TMEM132D: variants seen among roughly 807,000 people sequenced by gnomAD.
TMEM132D encodes transmembrane protein 132D, also known as mature OL transmembrane protein.
In TMEM132D, 21 loss-of-function variants were observed where a neutral mutation model predicts 62.3. That is an observed-to-expected ratio of 0.34 (90% confidence interval 0.24 to 0.49). TMEM132D has a LOEUF of 0.49. Ranked by LOEUF, TMEM132D falls within the 20% of genes least tolerant of loss-of-function variation. The pLI is 0.99. For synonymous variants in TMEM132D, 621 were observed against 575.6 expected, an observed-to-expected ratio of 1.08 and a Z score of -1.13; for missense variants, 1,346 against 1,402.8, an observed-to-expected ratio of 0.96 and a Z score of 0.65.
chr12:129,124,772 C>T lies in TMEM132D; in HGVS notation c.1444-40070G>A, dbSNP rs922589400. On this transcript the variant is annotated intron_variant, in intron 5 of 8. Transcript: ENST00000422113. The stretch of plus-strand genomic sequence containing the variant: ...CTATTATGAATGAATTTGCGGTGAA[C>T]ATCCTTGTACATAACTTTTGGTGAG... 1.8e-4 allele frequency among the ~76,000 whole-genome samples: 27 copies of T among 152,150 alleles called. 1 individual carries two copies. Among genetic ancestry groups the T allele is most frequent in the African/African-American group, 1.2e-4 (5 of 41,438 alleles).
At chr12:129,631,003 C>T (rs1255613142) in intron 2 of TMEM132D, among the ~76,000 whole-genome samples, 1 of 152,044 alleles carries the variant, frequency 6.6e-6, no homozygotes. Flanking sequence ...ATCGGAATGC[C>T]CATCCATGAC....
intron 2 of TMEM132D, among the ~76,000 whole-genome samples, chr12:129,674,803 G>A (rs888244897): frequency 6.6e-6 from 1 of 151,976 alleles, no homozygotes; most frequent in African/African-American, 2.4e-5. Flanking sequence ...CCTCCCAAAG[G>A]GCTGGGATTA....
At position 129,209,650 on chromosome 12, in the gene TMEM132D, A is replaced by G; in HGVS notation, c.1313T>C (p.Leu438Pro). 6.2e-7 allele frequency: 1 copy of G among 1,614,156 alleles called. No homozygotes were observed. Among genetic ancestry groups the G allele is most frequent in the South Asian group, 1.1e-5 (1 of 91,080 alleles). Residue 438 changes from leucine (L) to proline (P), a missense_variant, in exon 5 of 9, where the codon CTG (leucine) becomes CCG (proline). Transcript: ENST00000422113. ...CTTCCCCGTGAGGATGGCTGTGTTC[A>G]GGATTTCTGCCTCCTGGAAGACCAA... ...VVPLAMEAEI[L>P]NTAILTGKTV...
In TMEM132D at chr12:129,678,038, T is replaced by C. The variant is rs116806266; in HGVS notation, c.968+21772A>G. On this transcript the variant is annotated intron_variant, in intron 2 of 8. Transcript: ENST00000422113. ...TCACAAACATGTAAGAATTCTATTG[T>C]AGGAATATGTCAAAATTTATTTATC... Among the ~76,000 whole-genome samples the C allele has an allele frequency of 4.1e-3, 617 of 152,300 alleles. 7 individuals carry two copies. The highest frequency in any genetic ancestry group is 0.014 in the African/African-American group (588 of 41,566).
At chr12:129,537,108 C>T (rs112203289) in intron 2 of TMEM132D, among the ~76,000 whole-genome samples, 35,091 of 143,526 alleles carry the variant, frequency 0.24, 4,361 homozygotes, top group East Asian at 0.41. Flanking sequence ...TGCGGTGAGC[C>T]GAGATTGTGC....
chr12:129,266,913 T>C (rs1566016724), intron 4 of TMEM132D, among the ~76,000 whole-genome samples: 1 of 152,186 alleles, frequency 6.6e-6, no homozygotes, highest in East Asian at 1.9e-4. Flanking sequence ...CTCTCACTCT[T>C]GGACATCCCA....
In TMEM132D at chr12:129,310,060, GAGGAAAATCTAGATGAGGGCTGGCCGAGA is replaced by G. The variant is rs1462558845; in HGVS notation, c.1299+27545_1299+27573del. On this transcript the variant is annotated intron_variant, in intron 4 of 8. Transcript: ENST00000422113. ...AAAATCTAGATGAGGGCTGGCCGAG[GAGGAAAATCTAGATGAGGGCTGGCCGAGA>G]AGGAAAATCTAGATGAGGGCTGGCC... is the stretch of plus-strand genomic sequence containing the variant. 1.7e-4 allele frequency among the ~76,000 whole-genome samples: 25 copies of G among 150,188 alleles called. No individual in the cohort carries two copies. The East Asian group carries it at 1.9e-3, about 12-fold the overall frequency.
intron 3 of TMEM132D, among the ~76,000 whole-genome samples, chr12:129,345,167 TA>T (rs1384277970): frequency 6.6e-6 from 1 of 152,184 alleles, no homozygotes; most frequent in African/African-American, 2.4e-5. Flanking sequence ...ACATTTTTGT[TA>T]AAGTCCATGT....
intron 1 of TMEM132D, among the ~76,000 whole-genome samples, chr12:129,721,389 G>A (rs182087072): frequency 5.7e-4 from 86 of 152,186 alleles, no homozygotes; most frequent in Admixed American, 1.2e-3. Context: ...GCCTTAACGG[G>A]GTCTTTCTCT....
intron 5 of TMEM132D, among the ~76,000 whole-genome samples, chr12:129,091,841 G>A (rs985156891): frequency 6.6e-6 from 1 of 152,222 alleles, no homozygotes; most frequent in Non-Finnish European, 1.5e-5. Flanking sequence ...TCCAACAGCT[G>A]GATGGAGCAG....
chr12:129,810,127 T>C lies in TMEM132D; in HGVS notation c.79+93134A>G, dbSNP rs369866024. On this transcript the variant is annotated intron_variant, in intron 1 of 8. Coordinates refer to ENST00000422113, the MANE Select transcript of TMEM132D (RefSeq NM_133448.3). ...CAACACACAAACATTAAGTTGGCGG[T>C]GCCGTATCACTAGCATTTTTATTAA... Among the ~76,000 whole-genome samples the C allele has an allele frequency of 3.5e-4, 54 of 152,288 alleles. 1 individual carries two copies. In the East Asian group the frequency reaches 6.9e-3, roughly 20 times the overall value.
chr12:129,865,129 T>G (rs1874017305), intron 1 of TMEM132D, among the ~76,000 whole-genome samples: 3 of 152,174 alleles, frequency 2.0e-5, no homozygotes, highest in Admixed American at 2.0e-4. Context: ...GTAAAAGTGA[T>G]GCACTGGAAA....
At chr12:129,272,626 CTTAT>C (rs200526487) in intron 4 of TMEM132D, among the ~76,000 whole-genome samples, 3,036 of 151,804 alleles carry the variant, frequency 0.02, 40 homozygotes, top group Non-Finnish European at 0.03. Context: ...CTTCTGCCTG[CTTAT>C]TTGTTTTTTG....
intron 4 of TMEM132D, among the ~76,000 whole-genome samples, chr12:129,309,760 G>A (rs1265707987): frequency 2.0e-5 from 3 of 152,112 alleles, no homozygotes; most frequent in African/African-American, 4.8e-5. Context: ...GAAGCATGGT[G>A]CGTTTCAAAC....
chr12:129,895,957 G>GTC (rs1220854528), intron 1 of TMEM132D, among the ~76,000 whole-genome samples: 29 of 37,578 alleles, frequency 7.7e-4, no homozygotes, highest in East Asian at 1.8e-3. Flanking sequence ...TGATTTCTCT[G>GTC]TCTCTCTTTT....
chr12:129,376,676 G>A (rs1450359114), intron 3 of TMEM132D, among the ~76,000 whole-genome samples: 1 of 152,196 alleles, frequency 6.6e-6, no homozygotes. Flanking sequence ...TTAGGGTAGG[G>A]TGTGTTAAAA....
At chr12:129,815,799 T>G (rs1164960700) in intron 1 of TMEM132D, among the ~76,000 whole-genome samples, 1 of 152,260 alleles carries the variant, frequency 6.6e-6, no homozygotes, top group Non-Finnish European at 1.5e-5. Flanking sequence ...TTTCTACAAT[T>G]ACTTTGTATT....
chr12:129,091,670 A>G (rs1649949556), intron 5 of TMEM132D, among the ~76,000 whole-genome samples: 1 of 152,028 alleles, frequency 6.6e-6, no homozygotes, highest in Non-Finnish European at 1.5e-5. Context: ...GACCTTACCT[A>G]TCTCACCTGG....
At chr12:129,529,697 C>T (rs1289153305) in intron 3 of TMEM132D, among the ~76,000 whole-genome samples, 1 of 152,158 alleles carries the variant, frequency 6.6e-6, no homozygotes, top group Non-Finnish European at 1.5e-5. Context: ...ATCTATTCAT[C>T]CACCCTCTCA....
Sources: gnomAD v4.1 joint callset for allele counts (sites outside exome capture counted in the v4.1 genomes callset) on GRCh38, gnomAD v4.1.1 for gene constraint, MANE v1.5 for transcripts, NCBI Gene and HGNC (gene_info 2026-07-23, HGNC 2026-07-21) for gene names.